The following LMO7 variants were observed in gnomAD, a reference collection of about 807,000 sequenced individuals.
The protein encoded by LMO7 is LIM domain 7.
Under a neutral mutation model 206.5 loss-of-function variants are expected in LMO7, and 120 were observed. The observed-to-expected ratio is 0.58, with a 90% CI of 0.50 to 0.68. The LOEUF is 0.68. Ranked by LOEUF, LMO7 falls within the 30% of genes least tolerant of loss-of-function variation. LMO7 has a pLI of 0.00. For synonymous variants in LMO7, 706 were observed against 681.5 expected, an observed-to-expected ratio of 1.04 and a Z score of -0.56; for missense variants, 1,959 against 1,957.9, an observed-to-expected ratio of 1.00 and a Z score of -0.01.
At chr13:75,829,372 G>A (rs919418272) in intron 15 of LMO7, among the ~76,000 whole-genome samples, 1 of 152,074 alleles carries the variant, frequency 6.6e-6, no homozygotes, top group Non-Finnish European at 1.5e-5. Flanking sequence ...AATGGGATGA[G>A]GACAGTGGTG....
At chr13:75,820,043 T>C (rs1427769913) in intron 13 of LMO7, among the ~76,000 whole-genome samples, 1 of 152,210 alleles carries the variant, frequency 6.6e-6, no homozygotes, top group Non-Finnish European at 1.5e-5. Flanking sequence ...AAAGGTCAAA[T>C]TTAAACTTTA....
At chr13:75,643,727 A>G (rs576957864) in intron 1 of LMO7, among the ~76,000 whole-genome samples, 1 of 152,348 alleles carries the variant, frequency 6.6e-6, no homozygotes, top group South Asian at 2.1e-4. Context: ...ACTTTGAAAC[A>G]GAGGTTTAAC....
At chr13:75,851,539 A>G (rs1230059466) in intron 27 of LMO7, among the ~76,000 whole-genome samples, 1 of 152,178 alleles carries the variant, frequency 6.6e-6, no homozygotes, top group Non-Finnish European at 1.5e-5. Flanking sequence ...TCTCCTTATG[A>G]TAATGTATCA....
Position 75,841,739 on chromosome 13 carries a change from A to G in LMO7, c.3787A>G (p.Thr1263Ala). 6.2e-7 allele frequency: 1 copy of G among 1,614,046 alleles called. No homozygotes were observed. The highest frequency in any genetic ancestry group is 8.5e-7 in the Non-Finnish European group (1 of 1,179,986). Residue 1263 changes from threonine to alanine, a missense_variant, in exon 24 of 31, where the codon ACC becomes GCC. Physicochemically the swap from Thr to Ala is moderately conservative, Grantham distance 58. Coordinates refer to ENST00000377534, the MANE Select transcript of LMO7 (RefSeq NM_001306080.2). The stretch of plus-strand genomic sequence containing the variant: ...GTCCAAGTCTTCAGACAGAGAAGGA[A>G]CCCGAGCAGGAGAAGAGGAGAGGAG... ...EGSKSSDREG[T>A]RAGEEERRQP...
chr13:75,685,218 A>G (rs1195424886), intron 1 of LMO7, among the ~76,000 whole-genome samples: 1 of 152,180 alleles, frequency 6.6e-6, no homozygotes, highest in East Asian at 1.9e-4. Context: ...CATTTTGCAT[A>G]GCAGATACTC....
chr13:75,815,008 A>G (rs1287625204), intron 11 of LMO7, among the ~76,000 whole-genome samples: 1 of 152,006 alleles, frequency 6.6e-6, no homozygotes, highest in South Asian at 2.1e-4. Context: ...TTTTGGAAGA[A>G]CCTGTCTTTA....
In LMO7 at chr13:75,713,222, C is replaced by A; in HGVS notation, c.110C>A (p.Ala37Asp). The change falls in exon 2 of 31, where the codon GCC becomes GAC. Residue 37 changes from alanine (A) to aspartate (D), a missense_variant. By Grantham distance (126) the Ala-to-Asp change is moderately radical. Transcript: ENST00000377534. ...EKNFETKDFR[A>D]SLENGVLLCD... Reference sequence around the variant, plus strand: ...AATTTTGAAACAAAAGATTTTCGAGCCTCTCTAGAAAATGGTGTTCTGCTG... The same window carrying A: ...AATTTTGAAACAAAAGATTTTCGAGACTCTCTAGAAAATGGTGTTCTGCTG... The A allele has an allele frequency of 6.2e-7, 1 of 1,610,540 alleles. No individual in the cohort carries two copies. The highest frequency in any genetic ancestry group is 8.5e-7 in the Non-Finnish European group (1 of 1,177,902).
chr13:75,715,468 A>G (rs1372652269), intron 2 of LMO7, among the ~76,000 whole-genome samples: 1 of 152,156 alleles, frequency 6.6e-6, no homozygotes, highest in Non-Finnish European at 1.5e-5. Context: ...TCTAATTTGG[A>G]TTTTGTGCAT....
intron 1 of LMO7, among the ~76,000 whole-genome samples, chr13:75,657,294 A>T (rs751486717): frequency 6.6e-6 from 1 of 152,218 alleles, no homozygotes; most frequent in African/African-American, 2.4e-5. Context: ...GTTCGAAGTC[A>T]CTGAGTTGTG....
At chr13:75,685,236 A>T (rs547582453) in intron 1 of LMO7, among the ~76,000 whole-genome samples, 2 of 152,306 alleles carry the variant, frequency 1.3e-5, no homozygotes, top group South Asian at 4.1e-4. Context: ...CTCAGTAAAC[A>T]TCCTGTAAGA....
chr13:75,715,018 A>C (rs2043417580), intron 2 of LMO7, among the ~76,000 whole-genome samples: 1 of 152,204 alleles, frequency 6.6e-6, no homozygotes, highest in Non-Finnish European at 1.5e-5. Context: ...TATATCTCGA[A>C]TATATGATCT....
intron 3 of LMO7, among the ~76,000 whole-genome samples, chr13:75,756,621 T>G (rs945143581): frequency 6.6e-6 from 1 of 152,172 alleles, no homozygotes; most frequent in Non-Finnish European, 1.5e-5. Flanking sequence ...TGTGTTGCCT[T>G]TCATTTCTCT....
intron 2 of LMO7, among the ~76,000 whole-genome samples, chr13:75,626,595 A>ATATATATATATATTTTTTTTTTTTTTT: frequency 1.1e-4 from 8 of 71,164 alleles, no homozygotes; most frequent in East Asian, 5.9e-4. Context: ...ATATATATAA[A>ATATATATATATATTTTTTTTTTTTTTT]TTTTTTTGAG....
chr13:75,835,745 T>C (rs1033634993), intron 18 of LMO7, among the ~76,000 whole-genome samples: 1 of 152,190 alleles, frequency 6.6e-6, no homozygotes, highest in Non-Finnish European at 1.5e-5. Flanking sequence ...TAAAACTTCA[T>C]GAAGCATTTT....
At chr13:75,818,367 C>T (rs953092158) in intron 12 of LMO7, among the ~76,000 whole-genome samples, 5 of 152,092 alleles carry the variant, frequency 3.3e-5, no homozygotes, top group Admixed American at 1.3e-4. Flanking sequence ...ATAAATCAAA[C>T]GTACTTTGCA....
rs41287014 is a variant in LMO7, at chr13:75,858,636, C to T, written c.*693C>T. On this transcript the variant is annotated 3_prime_UTR_variant, in exon 31 of 31. Coordinates refer to ENST00000377534, the MANE Select transcript of LMO7 (RefSeq NM_001306080.2). ...CTTCTTCAGAAACTGGTGAGCCTTT[C>T]TGTTCAATTGCATTTGTAAATAAAC... 0.02 allele frequency: 3,111 copies of T among 152,710 alleles called. 38 individuals are homozygous for T. Among genetic ancestry groups the T allele is most frequent in the Middle Eastern group, 0.037 (11 of 294 alleles). 9.5% of individuals were successfully genotyped at this position (152,710 alleles called of 1,614,324 possible).
chr13:75,845,096 C>T (rs1223569548), intron 25 of LMO7, among the ~76,000 whole-genome samples: 3 of 152,120 alleles, frequency 2.0e-5, no homozygotes, highest in African/African-American at 2.4e-5. Context: ...AGTACTGTCA[C>T]GTGTTTGTAT....
chr13:75,761,467 A>C (rs1353144069), intron 4 of LMO7, among the ~76,000 whole-genome samples: 1 of 152,188 alleles, frequency 6.6e-6, no homozygotes, highest in East Asian at 1.9e-4. Context: ...GTAGTAAAAA[A>C]GAATCTCTTA....
intron 1 of LMO7, among the ~76,000 whole-genome samples, chr13:75,641,683 C>T (rs755285746): frequency 1.2e-4 from 19 of 152,152 alleles, no homozygotes; most frequent in Non-Finnish European, 2.5e-4. Flanking sequence ...GAGACAGGAA[C>T]TCACTCTGTT....
Sources: allele counts gnomAD v4.1 joint callset (sites outside exome capture counted in the v4.1 genomes callset), GRCh38; gene constraint gnomAD v4.1.1; transcripts MANE v1.5; gene names NCBI Gene and HGNC (gene_info 2026-07-23, HGNC 2026-07-21).